PPP2R2C: variants seen among roughly 807,000 people sequenced by gnomAD.
The protein encoded by PPP2R2C is protein phosphatase 2, regulatory subunit B, gamma.
PPP2R2C carries 10 observed loss-of-function variants against 45.3 expected under a neutral mutation model. The ratio of observed to expected loss-of-function variants is 0.22; its 90% CI spans 0.14 to 0.37. The LOEUF (loss-of-function observed/expected upper bound fraction) is 0.37, where lower values mean the gene tolerates loss of function less well. Among genes scored for constraint, PPP2R2C ranks in the 10% least tolerant of loss-of-function variants. The pLI, the probability that PPP2R2C is intolerant of heterozygous loss-of-function variation, is 1.00. For missense variants in PPP2R2C, 308 were observed against 619.7 expected (o/e 0.50, Z 5.34); for synonymous variants, 257 against 245.4 (o/e 1.05, Z -0.44).
chr4:6,491,792 T>C (rs1277006887), intron 2 of PPP2R2C, among the ~76,000 whole-genome samples: 2 of 152,222 alleles, frequency 1.3e-5, no homozygotes, highest in Non-Finnish European at 2.9e-5. Flanking sequence ...CATGTGAATA[T>C]GTGCCTACTT....
chr4:6,557,677 C>T (rs1725455406), intron 1 of PPP2R2C, among the ~76,000 whole-genome samples: 1 of 152,088 alleles, frequency 6.6e-6, no homozygotes, highest in Admixed American at 6.5e-5. Flanking sequence ...CAGAGGTCAG[C>T]ATGGTTATTT....
chr4:6,476,704 A>G (rs1340602821), upstream of PPP2R2C, among the ~76,000 whole-genome samples: 2 of 152,346 alleles, frequency 1.3e-5, no homozygotes, highest in Middle Eastern at 3.4e-3. Context: ...TTAACACTGT[A>G]GTTTTACTAG....
intron 1 of PPP2R2C, among the ~76,000 whole-genome samples, chr4:6,464,478 C>G (rs1721491974): frequency 6.6e-6 from 1 of 152,194 alleles, no homozygotes; most frequent in Admixed American, 6.5e-5. Context: ...CAGCCTTGCT[C>G]TTCAACTTTG....
intron 1 of PPP2R2C, among the ~76,000 whole-genome samples, chr4:6,386,818 A>G (rs1158585881): frequency 6.6e-6 from 1 of 152,250 alleles, no homozygotes; most frequent in Non-Finnish European, 1.5e-5. Context: ...TGCTATGATA[A>G]CTGTGTTAAA....
intron 2 of PPP2R2C, among the ~76,000 whole-genome samples, chr4:6,521,103 T>C (rs1251893572): frequency 1.3e-5 from 2 of 152,202 alleles, no homozygotes; most frequent in African/African-American, 4.8e-5. Context: ...GTAACCAGCC[T>C]GAGGCCACAC....
At chr4:6,559,901 A>G (rs1339756246) in intron 1 of PPP2R2C, among the ~76,000 whole-genome samples, 1 of 152,242 alleles carries the variant, frequency 6.6e-6, no homozygotes, top group African/African-American at 2.4e-5. Flanking sequence ...GCCCCAACGG[A>G]CTAAGACAGC....
intron 2 of PPP2R2C, among the ~76,000 whole-genome samples, chr4:6,482,855 T>G (rs576929466): frequency 2.0e-5 from 3 of 152,320 alleles, no homozygotes; most frequent in Admixed American, 2.0e-4. Context: ...CAGGTTTTGA[T>G]AGATGCCCTT....
At chr4:6,344,108 C>A (rs73076912) in intron 6 of PPP2R2C, among the ~76,000 whole-genome samples, 1,552 of 152,274 alleles carry the variant, frequency 0.01, 33 homozygotes, top group African/African-American at 0.035. Flanking sequence ...GCCCCAAGGT[C>A]GCCCAGGCAC....
rs527384551 is a variant in PPP2R2C, at chr4:6,323,464, G to A, written c.1182C>T (p.Cys394=). The A allele has an allele frequency of 1.5e-5, 24 of 1,612,900 alleles. No individual in the cohort carries two copies. Among genetic ancestry groups the A allele is most frequent in the East Asian group, 2.2e-5 (1 of 44,832 alleles). The change falls in exon 9 of 9, where the codon TGC becomes TGT. Residue 394 remains cysteine (C), a synonymous_variant. Transcript: ENST00000382599. ...PRAVLKPRRV[C]VGGKRRRDDI... ...CATCACGCCGGCGCTTGCCCCCCAC[G>A]CACACGCGCCGTGGCTTGAGCACAG...
chr4:6,479,580 G>T (rs1722279144), intron 2 of PPP2R2C, among the ~76,000 whole-genome samples: 1 of 152,200 alleles, frequency 6.6e-6, no homozygotes, highest in African/African-American at 2.4e-5. Context: ...CCCTGCACGA[G>T]TAACACTTGC....
intron 4 of PPP2R2C, among the ~76,000 whole-genome samples, chr4:6,374,182 G>A (rs945916513): frequency 2.0e-5 from 3 of 152,150 alleles, no homozygotes; most frequent in Non-Finnish European, 4.4e-5. Flanking sequence ...CTGCTCTGGA[G>A]AAGGGCAGAG....
chr4:6,455,992 G>C (rs978630896), intron 1 of PPP2R2C, among the ~76,000 whole-genome samples: 2 of 146,240 alleles, frequency 1.4e-5, no homozygotes, highest in South Asian at 2.1e-4. Flanking sequence ...AAATCCTGGG[G>C]GGGGGGAGCT....
intron 5 of PPP2R2C, among the ~76,000 whole-genome samples, chr4:6,358,069 T>C (rs1048646175): frequency 6.6e-6 from 1 of 152,206 alleles, no homozygotes; most frequent in Non-Finnish European, 1.5e-5. Context: ...GGCATCACGC[T>C]ACCTGACTTC....
At chr4:6,502,214 T>C (rs1283813941) in intron 2 of PPP2R2C, among the ~76,000 whole-genome samples, 1 of 152,204 alleles carries the variant, frequency 6.6e-6, no homozygotes, top group Non-Finnish European at 1.5e-5. Context: ...CTTCGGGAGC[T>C]ATGCTTCTTG....
At chr4:6,484,659 A>G (rs981002525) in intron 2 of PPP2R2C, among the ~76,000 whole-genome samples, 16 of 151,804 alleles carry the variant, frequency 1.1e-4, no homozygotes, top group Admixed American at 1.0e-3. Flanking sequence ...TTTAATTTCT[A>G]TCATCAGTGT....
At chr4:6,384,229 C>G in intron 1 of PPP2R2C, 1 of 985,442 alleles carries the variant, frequency 1.0e-6, no homozygotes, top group Non-Finnish European at 1.2e-6. Context: ...GGCGCTGGTT[C>G]TTGCTATTTC....
rs576621901 is a variant in PPP2R2C, at chr4:6,539,159, G to A, written c.-58-3782C>T. 2.2e-3 allele frequency among the ~76,000 whole-genome samples: 331 copies of A among 152,098 alleles called. 1 individual carries two copies. Among genetic ancestry groups the A allele is most frequent in the Non-Finnish European group, 3.4e-3 (233 of 67,944 alleles). On this transcript the variant is annotated intron_variant, in intron 1 of 9. Coordinates refer to the PPP2R2C transcript ENST00000506140. ...CTTCCAAAAAAAAAAAAGAGAGAGA[G>A]GGCGGAAATTTGGACACACAGACAC...
At chr4:6,468,827 C>A (rs1050876811) in intron 1 of PPP2R2C, among the ~76,000 whole-genome samples, 7 of 151,968 alleles carry the variant, frequency 4.6e-5, no homozygotes, top group African/African-American at 1.7e-4. Flanking sequence ...AGAACAGAGC[C>A]AGGAAGAGTC....
chr4:6,494,806 C>T (rs970162714), intron 2 of PPP2R2C, among the ~76,000 whole-genome samples: 21 of 152,188 alleles, frequency 1.4e-4, no homozygotes, highest in African/African-American at 5.1e-4. Context: ...GGCCAACGCT[C>T]ATGCAACTGC....
Sources: gnomAD v4.1 joint callset for allele counts (sites outside exome capture counted in the v4.1 genomes callset) on GRCh38, gnomAD v4.1.1 for gene constraint, MANE v1.5 for transcripts, NCBI Gene and HGNC (gene_info 2026-07-23, HGNC 2026-07-21) for gene names.